The following PDE4D variants were observed in gnomAD, a reference collection of about 807,000 sequenced individuals.
PDE4D encodes the protein 3',5'-cyclic-AMP phosphodiesterase 4D.
PDE4D carries 24 observed loss-of-function variants against 87.4 expected under a neutral mutation model. The observed-to-expected ratio is 0.27, with a 90% CI of 0.20 to 0.39. The LOEUF (loss-of-function observed/expected upper bound fraction) is 0.39. Among genes scored for constraint, PDE4D ranks in the 10% least tolerant of loss-of-function variants. The pLI is 1.00. For synonymous variants in PDE4D, 384 were observed against 383.2 expected (o/e 1.00, Z -0.02); for missense variants, 714 against 1,041.0 (o/e 0.69, Z 4.32).
intron 1 of PDE4D, among the ~76,000 whole-genome samples, chr5:59,858,413 G>A (rs913298567): frequency 3.3e-5 from 5 of 151,994 alleles, no homozygotes; most frequent in Non-Finnish European, 5.9e-5. Flanking sequence ...CCCATCAAGG[G>A]TGGGAGGACC....
chr5:59,770,025 C>T (rs1409162253), intron 1 of PDE4D, among the ~76,000 whole-genome samples: 1 of 152,206 alleles, frequency 6.6e-6, no homozygotes, highest in African/African-American at 2.4e-5. Flanking sequence ...ACAGGGTCAA[C>T]CACTTGGTCC....
intron 1 of PDE4D, among the ~76,000 whole-genome samples, chr5:59,224,990 AT>A (rs1288798800): frequency 2.6e-5 from 4 of 152,166 alleles, no homozygotes; most frequent in Non-Finnish European, 4.4e-5. Context: ...CCAACCAAAA[AT>A]TGTTTTACTT....
At chr5:58,978,288 C>T (rs1484072855) in intron 11 of PDE4D, among the ~76,000 whole-genome samples, 1 of 108,662 alleles carries the variant, frequency 9.2e-6, no homozygotes, top group African/African-American at 3.3e-5. Flanking sequence ...GTAGGGCGTG[C>T]CTGTAGTCCC....
chr5:59,914,425 C>A (rs1753777195), intron 3 of PDE4D, among the ~76,000 whole-genome samples: 1 of 151,998 alleles, frequency 6.6e-6, no homozygotes, highest in Non-Finnish European at 1.5e-5. Context: ...GCATTACAGG[C>A]AGACAGGATT....
At chr5:59,466,897 G>A (rs114861006) in intron 1 of PDE4D, among the ~76,000 whole-genome samples, 2,850 of 152,178 alleles carry the variant, frequency 0.019, 92 homozygotes, top group African/African-American at 0.065. Context: ...TGAAGTCCTC[G>A]TACATATACC....
intron 1 of PDE4D, among the ~76,000 whole-genome samples, chr5:59,291,445 G>C (rs1767983442): frequency 6.6e-6 from 1 of 151,952 alleles, no homozygotes; most frequent in Non-Finnish European, 1.5e-5. Flanking sequence ...AGCGTGGAGG[G>C]AAGGGTGGGA....
Position 59,626,203 on chromosome 5 carries a change from T to C in PDE4D, c.455+266965A>G, listed in dbSNP as rs879448082. 1.7e-4 allele frequency among the ~76,000 whole-genome samples: 26 copies of C among 152,342 alleles called. 1 individual carries two copies. The highest frequency in any genetic ancestry group is 7.8e-4 in the Admixed American group (12 of 15,300). ...ATAAAATAACAGTTGGCCTCTGAAGTATTTAATGAAATGAGGTTTCTATAC... is the reference window on the plus strand; with the variant it reads ...ATAAAATAACAGTTGGCCTCTGAAGCATTTAATGAAATGAGGTTTCTATAC... On this transcript the variant is annotated intron_variant, in intron 1 of 14. Transcript: ENST00000340635.
At chr5:60,235,250 A>G (rs1746292956) in intron 1 of PDE4D, among the ~76,000 whole-genome samples, 1 of 151,874 alleles carries the variant, frequency 6.6e-6, no homozygotes, top group Non-Finnish European at 1.5e-5. Context: ...TTTCTTATTT[A>G]TATTTCAGAC....
At chr5:59,238,655 TG>T (rs1474810264) in intron 1 of PDE4D, among the ~76,000 whole-genome samples, 1 of 152,058 alleles carries the variant, frequency 6.6e-6, no homozygotes, top group Non-Finnish European at 1.5e-5. Flanking sequence ...CTTTTAGAAA[TG>T]GTTCCTCTGA....
At position 59,223,081 on chromosome 5, in the gene PDE4D, C is replaced by T. The variant is rs148292513; in HGVS notation, c.456-7113G>A. ...TGAGGGCCAAATCACCTGAATCAGC[C>T]CTTGCAATCAATGAGGTGACAGATG... On this transcript the variant is annotated intron_variant, in intron 1 of 14. Coordinates refer to ENST00000340635, the MANE Select transcript of PDE4D (RefSeq NM_001104631.2). 1.9e-4 allele frequency among the ~76,000 whole-genome samples: 29 copies of T among 152,224 alleles called. 1 individual carries two copies. In the East Asian group the frequency reaches 5.6e-3, roughly 29 times the overall value.
chr5:59,233,260 T>C (rs1264478642), intron 1 of PDE4D, among the ~76,000 whole-genome samples: 1 of 152,188 alleles, frequency 6.6e-6, no homozygotes, highest in East Asian at 1.9e-4. Flanking sequence ...ATCCTATTTA[T>C]GTAACAAAAT....
At chr5:59,056,931 T>TA in intron 5 of PDE4D, among the ~76,000 whole-genome samples, 1 of 152,276 alleles carries the variant, frequency 6.6e-6, no homozygotes, top group Non-Finnish European at 1.5e-5. Context: ...AGAATTCCGT[T>TA]ACATTTTGCA....
intron 1 of PDE4D, among the ~76,000 whole-genome samples, chr5:59,312,373 C>T (rs1249579556): frequency 6.6e-6 from 1 of 152,152 alleles, no homozygotes. Context: ...CTGGAAAATG[C>T]CAACTACCCT....
chr5:60,469,957 C>G lies in PDE4D; in HGVS notation c.-90+17985G>C, dbSNP rs1011619687. 4.6e-5 allele frequency among the ~76,000 whole-genome samples: 7 copies of G among 152,232 alleles called. No homozygotes were observed. The East Asian group carries it at 7.7e-4, about 17-fold the overall frequency. The stretch of plus-strand genomic sequence containing the variant: ...AACAGTTACATATCTCACTTTAAAT[C>G]AAAAGCTCGGAATGAATAAGCTTAG... On this transcript the variant is annotated intron_variant, in intron 1 of 16. Coordinates refer to the PDE4D transcript ENST00000502484.
At chr5:59,862,974 T>A (rs1746498864) in intron 1 of PDE4D, among the ~76,000 whole-genome samples, 1 of 152,224 alleles carries the variant, frequency 6.6e-6, no homozygotes, top group Non-Finnish European at 1.5e-5. Flanking sequence ...ATATTATTGT[T>A]TTAATTATAA....
chr5:59,149,315 C>T (rs938266965), intron 5 of PDE4D, among the ~76,000 whole-genome samples: 8 of 152,168 alleles, frequency 5.3e-5, no homozygotes, highest in Non-Finnish European at 1.0e-4. Context: ...TTCCTTCCTA[C>T]GCTCTTTCAC....
intron 1 of PDE4D, among the ~76,000 whole-genome samples, chr5:59,763,188 C>T (rs561339055): frequency 1.5e-4 from 23 of 151,382 alleles, no homozygotes; most frequent in African/African-American, 5.3e-4. Flanking sequence ...GTCAGGGGAG[C>T]GGGTAGGGAT....
chr5:60,233,584 A>G (rs865944161), intron 1 of PDE4D, among the ~76,000 whole-genome samples: 25 of 151,708 alleles, frequency 1.6e-4, no homozygotes, highest in Admixed American at 2.6e-4. Context: ...ACAAAGGGAA[A>G]TTTTAACATA....
intron 1 of PDE4D, among the ~76,000 whole-genome samples, chr5:59,804,669 A>G (rs889577999): frequency 3.3e-4 from 51 of 152,386 alleles, no homozygotes; most frequent in African/African-American, 1.2e-3. Context: ...TAAACTCGGA[A>G]GAGTATACAG....
Sources: gnomAD v4.1 joint callset for allele counts (sites outside exome capture counted in the v4.1 genomes callset) on GRCh38, gnomAD v4.1.1 for gene constraint, MANE v1.5 for transcripts, NCBI Gene and HGNC (gene_info 2026-07-23, HGNC 2026-07-21) for gene names.